CCNH: variants seen among roughly 807,000 people sequenced by gnomAD.
CCNH encodes cyclin-H.
In CCNH, 31 loss-of-function variants were observed where a neutral mutation model predicts 41.9. The ratio of observed to expected loss-of-function variants is 0.74; its 90% confidence interval spans 0.56 to 1.00. The LOEUF (loss-of-function observed/expected upper bound fraction) is 1.00, where lower values mean the gene tolerates loss of function less well. Among genes scored for constraint, CCNH ranks in the 50% least tolerant of loss-of-function variants. CCNH has a pLI of 0.00. For synonymous variants in CCNH, 138 were observed against 136.1 expected, an observed-to-expected ratio of 1.01 and a Z score of -0.10; for missense variants, 362 against 388.4, an observed-to-expected ratio of 0.93 and a Z score of 0.57.
chr5:87,381,080 T>C (rs866259817), upstream of CCNH, among the ~76,000 whole-genome samples: 1 of 152,210 alleles, frequency 6.6e-6, no homozygotes, highest in African/African-American at 2.4e-5. Flanking sequence ...TGGCAAATCA[T>C]GGAATTTGGG....
At chr5:87,386,744 C>T (rs568507300), downstream of CCNH, 74 of 1,236,706 alleles carry the variant, frequency 6.0e-5, 2 homozygotes, top group South Asian at 8.8e-4. Context: ...TTGCTGTTAA[C>T]TGTAATTACT....
downstream of CCNH, chr5:87,390,789 C>T (rs548241728): frequency 2.9e-5 from 47 of 1,603,076 alleles, no homozygotes; most frequent in Non-Finnish European, 3.8e-5. Flanking sequence ...TACCATTTTT[C>T]CTCTGTCTAG....
chr5:87,374,802 A>T (rs751085665), downstream of CCNH: 5 of 1,605,988 alleles, frequency 3.1e-6, no homozygotes, highest in Non-Finnish European at 4.3e-6. Context: ...TTTGATGCCA[A>T]AACATTTTGT....
intron 9 of CCNH, chr5:87,383,903 GA>G: frequency 1.2e-6 from 1 of 861,906 alleles, no homozygotes; most frequent in Admixed American, 2.6e-5. Context: ...TGGCATATAT[GA>G]AGTATTCCAA....
chr5:87,409,248 G>T, intron 3 of CCNH, 42 bp downstream of exon 3: 2 of 1,114,376 alleles, frequency 1.8e-6, no homozygotes, highest in Non-Finnish European at 2.7e-6. Context: ...GATTATAAAG[G>T]TCTTCTTAAA....
At chr5:87,405,056 G>A (rs1763691803) in intron 4 of CCNH, 49 bp from the exon 5 acceptor site, 1 of 1,344,504 alleles carries the variant, frequency 7.4e-7, no homozygotes, top group African/African-American at 1.5e-5. Flanking sequence ...TTTAAATGGA[G>A]TATAACAACA....
rs1163138913 is a variant in CCNH, at chr5:87,341,275, A to C, written c.*91-22378T>G. 3.0e-6 allele frequency: 4 copies of C among 1,322,438 alleles called. No homozygotes were observed. Among genetic ancestry groups the C allele is most frequent in the South Asian group, 2.3e-5 (1 of 43,964 alleles). The allele number at this position is 1,322,438 out of a possible 1,614,324, so 81.9% of individuals were successfully genotyped here. On this transcript the variant is annotated intron_variant and NMD_transcript_variant, in intron 9 of 9. Transcript: ENST00000645953. ...GTTAATTATATAAAATACTGTCTTA[A>C]TGTCTTCCCTTTAGGGCCGGGAAGA...
At position 87,405,523 on chromosome 5, in the gene CCNH, A is replaced by G. The variant is rs529793349; in HGVS notation, c.526-516T>C. On this transcript the variant is annotated intron_variant, in intron 4 of 8. Coordinates refer to ENST00000256897, the MANE Select transcript of CCNH (RefSeq NM_001239.4). ...CCTATAAAATAAACTATAAATCCTA[A>G]GTCCTCAGATATCCATATGCAACAC... 3.9e-5 allele frequency among the ~76,000 whole-genome samples: 6 copies of G among 152,250 alleles called. No individual in the cohort carries two copies. The South Asian group carries it at 1.2e-3, about 32-fold the overall frequency.
chr5:87,394,149 T>C (rs568439999), downstream of CCNH: 36 of 708,030 alleles, frequency 5.1e-5, no homozygotes, highest in South Asian at 1.8e-3. Context: ...TTGTGGTGCC[T>C]TTTTTAAAAA....
chr5:87,361,133 T>C (rs762880237), intron 9 of CCNH, among the ~76,000 whole-genome samples: 1 of 152,198 alleles, frequency 6.6e-6, no homozygotes, highest in Non-Finnish European at 1.5e-5. Context: ...TTGCAGTTCA[T>C]TTAGTGTGTC....
chr5:87,321,794 T>C (rs1756831954), intron 9 of CCNH, among the ~76,000 whole-genome samples: 1 of 152,182 alleles, frequency 6.6e-6, no homozygotes. Flanking sequence ...TATGGAATTT[T>C]CATGACATCA....
intron 9 of CCNH, chr5:87,383,799 A>C (rs1479769938): frequency 6.3e-7 from 1 of 1,587,160 alleles, no homozygotes; most frequent in African/African-American, 1.3e-5. Flanking sequence ...CTTTTGATAC[A>C]TTTTGAAATT....
Position 87,408,145 on chromosome 5 carries a change from T to C in CCNH, c.356A>G (p.Asn119Ser). 1 of 1,611,430 alleles carries C rather than the reference T, an allele frequency of 6.2e-7. No individual in the cohort carries two copies. The highest frequency in any genetic ancestry group is 8.5e-7 in the Non-Finnish European group (1 of 1,178,566). ...TCCAACAAACTGAGGACTAGATACA[T>C]TGAATTCATCTACTTTGCAGGCCAA... Reference protein sequence around the residue: ...AFLACKVDEFNVSSPQFVGNL... With the variant: ...AFLACKVDEFSVSSPQFVGNL... The change falls in exon 4 of 9, where the codon AAT becomes AGT. Residue 119 changes from asparagine (N) to serine (S), a missense_variant. By Grantham distance (46) the Asn-to-Ser change is conservative (BLOSUM62 1). Coordinates refer to ENST00000256897, the MANE Select transcript of CCNH (RefSeq NM_001239.4).
intron 9 of CCNH, among the ~76,000 whole-genome samples, chr5:87,338,282 G>A (rs1758124773): frequency 6.6e-6 from 1 of 151,666 alleles, no homozygotes; most frequent in African/African-American, 2.4e-5. Context: ...ATACATAGCT[G>A]CCAATATTCA....
chr5:87,394,204 A>C, downstream of CCNH: 3 of 1,135,962 alleles, frequency 2.6e-6, no homozygotes, highest in African/African-American at 3.2e-5. Context: ...AATTAGGCAA[A>C]TGAGTTGCAG....
chr5:87,347,182 T>G (rs1165120246), intron 9 of CCNH, among the ~76,000 whole-genome samples: 1 of 152,048 alleles, frequency 6.6e-6, no homozygotes, highest in African/African-American at 2.4e-5. Flanking sequence ...TTAACTAGTC[T>G]TCAGTAGAAC....
Position 87,360,424 on chromosome 5 carries a change from T to C in CCNH, c.*90+32346A>G, listed in dbSNP as rs1459827534. On this transcript the variant is annotated intron_variant and NMD_transcript_variant, in intron 9 of 9. Transcript: ENST00000645953. ...AAGGCGTGAGCAAAATGCAGTACTT[T>C]TGAAAACTCTGATGGCTCATAATTT... Among the ~76,000 whole-genome samples the C allele has an allele frequency of 2.0e-5, 3 of 152,196 alleles. No homozygotes were observed. In the East Asian group the frequency reaches 5.8e-4, roughly 29 times the overall value.
rs377551445 is a variant in CCNH at position 87,366,211 on chromosome 5, A to G, written c.*90+26559T>C. ...TAAGGCAGAAATTCAACCTTGGAAAAATGAGGTTAAAAATGATTCACTAAT... is the reference window on the plus strand; with the variant it reads ...TAAGGCAGAAATTCAACCTTGGAAAGATGAGGTTAAAAATGATTCACTAAT... On this transcript the variant is annotated intron_variant and NMD_transcript_variant, in intron 9 of 9. Coordinates refer to the CCNH transcript ENST00000645953. 6.3e-4 allele frequency: 118 copies of G among 188,484 alleles called. 1 individual carries two copies. In the Middle Eastern group the frequency reaches 7.2e-3, roughly 12 times the overall value. The allele number at this position is 188,484 out of a possible 1,614,324, so 11.7% of individuals were successfully genotyped here. A position where few individuals can be genotyped will look rare whatever the true frequency, so the allele number is the denominator to read the frequency against.
rs762114015 is a variant in CCNH at position 87,409,331 on chromosome 5, A to AT, written c.272dup (p.Tyr91Ter). 3 of 1,575,008 alleles carry AT rather than the reference A, an allele frequency of 1.9e-6. No individual in the cohort carries two copies. The highest frequency in any genetic ancestry group is 8.7e-7 in the Non-Finnish European group (1 of 1,145,424). Residue 91 changes from tyrosine to a stop codon, truncating the protein, a stop_gained and frameshift_variant, in exon 3 of 9, where the codon TAT becomes TAAT. Transcript: ENST00000256897. LOFTEE classifies it high-confidence loss of function. ...GTACMYFKRF[Y>*]LNNSVMEYHP... ...GATATTCCATTACTGAGTTATTAAG[A>AT]TAAAAACGTTTGAAATACATACAAG...
Sources: gnomAD v4.1 joint callset for allele counts (sites outside exome capture counted in the v4.1 genomes callset) on GRCh38, gnomAD v4.1.1 for gene constraint, MANE v1.5 for transcripts, NCBI Gene and HGNC (gene_info 2026-07-23, HGNC 2026-07-21) for gene names.